The following EIF3M variants were observed in gnomAD, a reference collection of about 807,000 sequenced individuals.
EIF3M encodes eukaryotic translation initiation factor 3 subunit M, also known as B5 receptor.
A neutral mutation model predicts 49.7 loss-of-function variants in EIF3M; 25 were observed. The observed-to-expected ratio is 0.50, with a 90% CI of 0.37 to 0.70. The LOEUF is 0.70. EIF3M is among the 30% of genes least tolerant of loss of function. The probability of loss-of-function intolerance (pLI) is 0.00; values close to 1 mark genes in which losing one functional copy is unlikely to be tolerated. For missense variants in EIF3M, 350 were observed against 440.0 expected (o/e 0.80, Z 1.83); for synonymous variants, 156 against 149.8 (o/e 1.04, Z -0.30).
At chr11:32,592,645 CACA>C (rs1855120797) in intron 5 of EIF3M, 1 of 510,092 alleles carries the variant, frequency 2.0e-6, no homozygotes, top group East Asian at 5.1e-5. Context: ...CTGATTACCA[CACA>C]ACCTGTGAGT....
At position 32,602,978 on chromosome 11, in the gene EIF3M, A is replaced by G; in HGVS notation, c.*579A>G. The G allele has an allele frequency of 6.2e-7, 1 of 1,613,330 alleles. No homozygotes were observed. The stretch of plus-strand genomic sequence containing the variant: ...TTTTTAGTCGTCTTGATTGCCTGCA[A>G]ATGGCTTTGTAGTGGAGTTGATATC... On this transcript the variant is annotated 3_prime_UTR_variant, in exon 11 of 11. Coordinates refer to ENST00000531120, the MANE Select transcript of EIF3M (RefSeq NM_006360.6).
At chr11:32,584,747 C>T (rs966409953) in intron 1 of EIF3M, among the ~76,000 whole-genome samples, 1 of 151,808 alleles carries the variant, frequency 6.6e-6, no homozygotes, top group African/African-American at 2.4e-5. Context: ...AGTATGGTAT[C>T]AGTTCAGCTC....
rs1855141096 is a variant in EIF3M, at chr11:32,593,937, T to C, written c.605T>C (p.Val202Ala). 1.3e-6 allele frequency: 2 copies of C among 1,543,342 alleles called. No individual in the cohort carries two copies. Among genetic ancestry groups the C allele is most frequent in the Non-Finnish European group, 1.7e-6 (2 of 1,143,104 alleles). Residue 202 changes from valine to alanine, a missense_variant, in exon 6 of 11, where the codon GTT becomes GCT. By Grantham distance (64) the Val-to-Ala change is moderately conservative. Coordinates refer to ENST00000531120, the MANE Select transcript of EIF3M (RefSeq NM_006360.6). Reference protein sequence around the residue: ...YTEDNASQARVDAHRCIVRAL... With the variant: ...YTEDNASQARADAHRCIVRAL... Reference sequence around the variant, plus strand: ...GAGGACAATGCTTCCCAGGCTCGAGTTGATGCCCACAGGTAATGTTAAACG... The same window carrying C: ...GAGGACAATGCTTCCCAGGCTCGAGCTGATGCCCACAGGTAATGTTAAACG...
intron 5 of EIF3M, chr11:32,592,618 A>C: frequency 1.9e-6 from 1 of 522,492 alleles, no homozygotes; most frequent in Admixed American, 2.1e-5. Flanking sequence ...TTTGTGGAAC[A>C]TTTTGTTTGG....
At chr11:32,595,902 G>C in intron 7 of EIF3M, 64 bp from the exon 8 acceptor site, 1 of 1,173,046 alleles carries the variant, frequency 8.5e-7, no homozygotes, top group South Asian at 1.4e-5. Flanking sequence ...CAATATCTTA[G>C]AATATCTTAC....
intron 9 of EIF3M, chr11:32,601,226 A>T (rs955465174): frequency 1.8e-4 from 29 of 156,844 alleles, no homozygotes; most frequent in Non-Finnish European, 4.1e-4. Flanking sequence ...TGATCTTTCA[A>T]GTGTTAACCA....
intron 1 of EIF3M, 32 bp downstream of exon 1, chr11:32,583,961 G>C (rs1343648450): frequency 6.2e-7 from 1 of 1,611,834 alleles, no homozygotes; most frequent in Non-Finnish European, 8.5e-7. Context: ...CCGCCACGGT[G>C]GGGTGGGGGA....
chr11:32,583,832 T>A lies in EIF3M; in HGVS notation c.-56T>A, dbSNP rs1565044375. The A allele has an allele frequency of 3.1e-6, 5 of 1,593,278 alleles. No individual in the cohort carries two copies. The highest frequency in any genetic ancestry group is 4.3e-6 in the Non-Finnish European group (5 of 1,167,486). ...AGCAGCGTCGCGCGGCCCAGTTCCCTTTTCCGGTCGGCGTGGTCTTGCGAG... is the reference window on the plus strand; with the variant it reads ...AGCAGCGTCGCGCGGCCCAGTTCCCATTTCCGGTCGGCGTGGTCTTGCGAG... On this transcript the variant is annotated 5_prime_UTR_variant, in exon 1 of 11. Coordinates refer to ENST00000531120, the MANE Select transcript of EIF3M (RefSeq NM_006360.6).
chr11:32,586,394 TGCATGCTGACTC>T (rs1400468629), intron 1 of EIF3M, among the ~76,000 whole-genome samples: 2 of 152,228 alleles, frequency 1.3e-5, no homozygotes, highest in Non-Finnish European at 1.5e-5. Context: ...GGTCCGAAGA[TGCATGCTGACTC>T]AGATATGCAT....
chr11:32,586,838 C>A, intron 1 of EIF3M, 174 bp from the exon 2 acceptor site: 1 of 766,700 alleles, frequency 1.3e-6, no homozygotes, highest in Non-Finnish European at 1.9e-6. Context: ...TGGAGGAAAA[C>A]CTGTGGCTCT....
intron 1 of EIF3M, 125 bp from the exon 2 acceptor site, chr11:32,586,887 T>C: frequency 7.5e-7 from 1 of 1,339,410 alleles, no homozygotes; most frequent in Admixed American, 2.4e-5. Context: ...GGGAGGGGTC[T>C]TCAACATTAT....
At position 32,584,608 on chromosome 11, in the gene EIF3M, A is replaced by AAAAAG. The variant is rs1491403948; in HGVS notation, c.42+683_42+684insGAAAA. On this transcript the variant is annotated intron_variant, in intron 1 of 10. Coordinates refer to ENST00000531120, the MANE Select transcript of EIF3M (RefSeq NM_006360.6). ...GGGCGACAGAGCGAGAGTCCCTCTC[A>AAAAAG]AAAAAAAAAAAAAAAAAAAAGATCA... Among the ~76,000 whole-genome samples the AAAAAG allele has an allele frequency of 2.2e-3, 87 of 38,986 alleles. 2 individuals are homozygous for AAAAAG. The highest frequency in any genetic ancestry group is 0.016 in the African/African-American group (86 of 5,276). The allele number at this position is 38,986 out of a possible 152,430, so 25.6% of individuals were successfully genotyped here. A position where few individuals can be genotyped will look rare whatever the true frequency, so the allele number is the denominator to read the frequency against.
Position 32,584,607 on chromosome 11 carries a change from C to CAAAAAAAAAAAA in EIF3M, c.42+688_42+699dup, listed in dbSNP as rs796738414. Among the ~76,000 whole-genome samples the CAAAAAAAAAAAA allele has an allele frequency of 4.6e-3, 286 of 62,206 alleles. 16 individuals are homozygous for CAAAAAAAAAAAA. The highest frequency in any genetic ancestry group is 9.4e-3 in the African/African-American group (158 of 16,748). 40.8% of individuals were successfully genotyped at this position (62,206 alleles called of 152,430 possible). A position where few individuals can be genotyped will look rare whatever the true frequency, so the allele number is the denominator to read the frequency against. ...TGGGCGACAGAGCGAGAGTCCCTCTCAAAAAAAAAAAAAAAAAAAAAGATC... is the reference window on the plus strand; with the variant it reads ...TGGGCGACAGAGCGAGAGTCCCTCTCAAAAAAAAAAAAAAAAAAAAAAAAAAAAAAAAAGATC... On this transcript the variant is annotated intron_variant, in intron 1 of 10. Coordinates refer to ENST00000531120, the MANE Select transcript of EIF3M (RefSeq NM_006360.6).
chr11:32,598,999 T>C lies in EIF3M; in HGVS notation c.800-1690T>C, dbSNP rs377412130. Among the ~76,000 whole-genome samples the C allele has an allele frequency of 8.6e-4, 131 of 152,218 alleles. No individual in the cohort carries two copies. In the Middle Eastern group the frequency reaches 0.014, roughly 16 times the overall value. On this transcript the variant is annotated intron_variant, in intron 8 of 10. Coordinates refer to ENST00000531120, the MANE Select transcript of EIF3M (RefSeq NM_006360.6). The stretch of plus-strand genomic sequence containing the variant: ...TATTAGAAATTTGTTTATATGCTTT[T>C]CAGAAAACATCTTTATATTAATGTG...
intron 2 of EIF3M, 51 bp from the exon 3 acceptor site, chr11:32,588,543 G>A (rs12800007): frequency 0.014 from 22,908 of 1,581,566 alleles, 226 homozygotes; most frequent in Non-Finnish European, 0.017. Flanking sequence ...TTAACTAGAC[G>A]CATTGAGTAT....
rs201894 is a variant in EIF3M, at chr11:32,603,963, G to A, written c.*1564G>A. The stretch of plus-strand genomic sequence containing the variant: ...GCAACTGTAGTCCCAGCTCCTCGGA[G>A]GGCTGAGGTGCAAGGATCATTTGAG... On this transcript the variant is annotated 3_prime_UTR_variant, in exon 11 of 11. Coordinates refer to ENST00000531120, the MANE Select transcript of EIF3M (RefSeq NM_006360.6). 110,889 of 152,080 alleles carry A rather than the reference G, an allele frequency of 0.73. 41,309 individuals are homozygous for A. Among genetic ancestry groups the A allele is most frequent in the African/African-American group, 0.78 (32,123 of 41,446 alleles). 9.4% of individuals were successfully genotyped at this position (152,080 alleles called of 1,614,324 possible).
At chr11:32,585,842 ATT>A (rs33942420) in intron 1 of EIF3M, among the ~76,000 whole-genome samples, 37,542 of 150,814 alleles carry the variant, frequency 0.25, 4,781 homozygotes, top group Middle Eastern at 0.28. Flanking sequence ...ATGGCTTTGA[ATT>A]TTTTTTTTTT....
intron 2 of EIF3M, among the ~76,000 whole-genome samples, chr11:32,588,029 T>G (rs1356943119): frequency 1.3e-5 from 2 of 152,212 alleles, no homozygotes; most frequent in Non-Finnish European, 2.9e-5. Context: ...TCCAAATGAT[T>G]GAATATCATG....
At chr11:32,596,462 G>A (rs1855179952) in intron 8 of EIF3M, among the ~76,000 whole-genome samples, 1 of 152,026 alleles carries the variant, frequency 6.6e-6, no homozygotes, top group Admixed American at 6.5e-5. Context: ...GGGCGCGGTG[G>A]CGGGTGCCCG....
Sources: gnomAD v4.1 joint callset for allele counts (sites outside exome capture counted in the v4.1 genomes callset) on GRCh38, gnomAD v4.1.1 for gene constraint, MANE v1.5 for transcripts, NCBI Gene and HGNC (gene_info 2026-07-23, HGNC 2026-07-21) for gene names.